CDC37L1: variants seen among roughly 807,000 people sequenced by gnomAD.
CDC37L1 encodes hsp90 co-chaperone Cdc37-like 1.
In CDC37L1, 32 loss-of-function variants were observed where a neutral mutation model predicts 45.9. The observed-to-expected ratio is 0.70, with a 90% CI of 0.53 to 0.94. CDC37L1 has a LOEUF of 0.94. Ranked by LOEUF, CDC37L1 falls within the 40% of genes least tolerant of loss-of-function variation. The probability of loss-of-function intolerance (pLI) is 0.00; values close to 1 mark genes in which losing one functional copy is unlikely to be tolerated. For synonymous variants in CDC37L1, 150 were observed against 133.0 expected, an observed-to-expected ratio of 1.13 and a Z score of -0.88; for missense variants, 434 against 405.7, an observed-to-expected ratio of 1.07 and a Z score of -0.60.
At chr9:4,692,713 T>G (rs1399738798) in intron 3 of CDC37L1, among the ~76,000 whole-genome samples, 2 of 152,238 alleles carry the variant, frequency 1.3e-5, no homozygotes, top group Non-Finnish European at 2.9e-5. Flanking sequence ...ATAAACTTTA[T>G]TTTTATAATC....
At chr9:4,686,183 C>A (rs1271081413) in intron 2 of CDC37L1, among the ~76,000 whole-genome samples, 1 of 152,076 alleles carries the variant, frequency 6.6e-6, no homozygotes, top group Non-Finnish European at 1.5e-5. Flanking sequence ...TCTTAATTGT[C>A]CTCTTGGCAT....
At chr9:4,703,065 C>T in intron 6 of CDC37L1, 1 of 1,540,984 alleles carries the variant, frequency 6.5e-7, no homozygotes, top group Non-Finnish European at 8.8e-7. Flanking sequence ...TTAATAGAGC[C>T]CAGTCATCTC....
rs1436505346 is a variant in CDC37L1 at position 4,683,037 on chromosome 9, ATAAAATATATTT to A, written c.133-1818_133-1807del. Among the ~76,000 whole-genome samples the A allele has an allele frequency of 6.5e-4, 93 of 142,926 alleles. 1 individual carries two copies. In the South Asian group the frequency reaches 7.8e-3, roughly 12 times the overall value. The allele number at this position is 142,926 out of a possible 152,430, so 93.8% of individuals were successfully genotyped here. ...TATTAAATATATATTATATTTATAT[ATAAAATATATTT>A]TAAAATATATTTTAAAATATACTTT... On this transcript the variant is annotated intron_variant, in intron 1 of 6. Coordinates refer to ENST00000381854, the MANE Select transcript of CDC37L1 (RefSeq NM_017913.4).
chr9:4,697,671 G>A (rs1841360773), intron 4 of CDC37L1, 86 bp from the exon 5 acceptor site: 2 of 662,722 alleles, frequency 3.0e-6, no homozygotes, highest in Non-Finnish European at 5.2e-6. Flanking sequence ...AAAATCAAAA[G>A]TATTTTAAAA....
intron 3 of CDC37L1, among the ~76,000 whole-genome samples, chr9:4,691,785 G>T (rs1206489577): frequency 6.6e-6 from 1 of 151,964 alleles, no homozygotes; most frequent in Non-Finnish European, 1.5e-5. Flanking sequence ...CTATTATAAA[G>T]CATTGAAATC....
At chr9:4,693,819 T>C (rs1841322921) in intron 3 of CDC37L1, among the ~76,000 whole-genome samples, 1 of 152,228 alleles carries the variant, frequency 6.6e-6, no homozygotes, top group Non-Finnish European at 1.5e-5. Flanking sequence ...TATGAATTAA[T>C]AGCATTTAAT....
At chr9:4,702,139 C>T (rs1001532202) in intron 6 of CDC37L1, 111 bp downstream of exon 6, 7 of 489,822 alleles carry the variant, frequency 1.4e-5, no homozygotes, top group African/African-American at 1.0e-4. Context: ...TTAAATATTC[C>T]TGCCTCAGAA....
At position 4,707,609 on chromosome 9, in the gene CDC37L1, G is replaced by A. The variant is rs1378352680; in HGVS notation, c.*1497G>A. The A allele has an allele frequency of 1.3e-5, 2 of 151,448 alleles. No individual in the cohort carries two copies. The highest frequency in any genetic ancestry group is 2.1e-4 in the South Asian group (1 of 4,794). The allele number at this position is 151,448 out of a possible 1,614,324, so 9.4% of individuals were successfully genotyped here. ...AATCTTCCTGGTTTTCAGAATAAAC[G>A]TTTTTGTGCTTTTGATATAAATATA... On this transcript the variant is annotated 3_prime_UTR_variant, in exon 7 of 7. Coordinates refer to ENST00000381854, the MANE Select transcript of CDC37L1 (RefSeq NM_017913.4).
chr9:4,687,452 A>G (rs1841257449), intron 2 of CDC37L1, among the ~76,000 whole-genome samples: 1 of 152,100 alleles, frequency 6.6e-6, no homozygotes, highest in Non-Finnish European at 1.5e-5. Flanking sequence ...GCCAAGGTGA[A>G]GGGATTGCTT....
intron 3 of CDC37L1, among the ~76,000 whole-genome samples, chr9:4,690,311 C>G (rs546693383): frequency 6.6e-6 from 1 of 152,204 alleles, no homozygotes; most frequent in Admixed American, 6.5e-5. Flanking sequence ...AGAGTGGGCT[C>G]GTTCAAGTGA....
chr9:4,684,734 A>C, intron 1 of CDC37L1, 143 bp from the exon 2 acceptor site: 3 of 580,656 alleles, frequency 5.2e-6, no homozygotes, highest in Non-Finnish European at 9.1e-6. Context: ...CTAAGATATA[A>C]AAACATGACT....
At chr9:4,697,304 C>A in intron 4 of CDC37L1, 93 bp downstream of exon 4, 1 of 675,264 alleles carries the variant, frequency 1.5e-6, no homozygotes, top group Non-Finnish European at 2.6e-6. Flanking sequence ...TACATTAAGT[C>A]CTTTAAAAGA....
At chr9:4,692,300 G>A (rs986693834) in intron 3 of CDC37L1, among the ~76,000 whole-genome samples, 2 of 148,658 alleles carry the variant, frequency 1.3e-5, no homozygotes, top group Non-Finnish European at 3.0e-5. Context: ...ACGAAATCTC[G>A]CTCTTGTCCC....
At chr9:4,695,782 C>T (rs1030828069) in intron 3 of CDC37L1, among the ~76,000 whole-genome samples, 1 of 152,110 alleles carries the variant, frequency 6.6e-6, no homozygotes, top group Non-Finnish European at 1.5e-5. Context: ...CAAGCATGTG[C>T]CACCATGCCC....
At chr9:4,680,888 G>C (rs1269697325) in intron 1 of CDC37L1, among the ~76,000 whole-genome samples, 1 of 152,164 alleles carries the variant, frequency 6.6e-6, no homozygotes, top group Non-Finnish European at 1.5e-5. Context: ...ACCAGTAAGC[G>C]TGACATTATC....
intron 3 of CDC37L1, among the ~76,000 whole-genome samples, chr9:4,689,404 A>G (rs974282477): frequency 4.6e-5 from 7 of 151,874 alleles, no homozygotes; most frequent in Admixed American, 2.6e-4. Context: ...AACTTTTTAC[A>G]TGGCATTTTG....
intron 1 of CDC37L1, among the ~76,000 whole-genome samples, chr9:4,684,319 G>C (rs1419633542): frequency 6.6e-6 from 1 of 151,850 alleles, no homozygotes. Flanking sequence ...ATTTTGATTA[G>C]GAATAAATTA....
At chr9:4,694,082 T>A (rs1235346218) in intron 3 of CDC37L1, among the ~76,000 whole-genome samples, 3 of 152,200 alleles carry the variant, frequency 2.0e-5, no homozygotes, top group Admixed American at 6.5e-5. Flanking sequence ...TTGATTCTCC[T>A]TATGTGTTTT....
chr9:4,684,860 A>G lies in CDC37L1; in HGVS notation c.133-17A>G, dbSNP rs1587615625. On this transcript the variant is annotated splice_polypyrimidine_tract_variant and intron_variant, in intron 1 of 6. Transcript: ENST00000381854. ...CCATTGCTTTCTTCATTTCTTACAA[A>G]TATTGTTTTTATCCAGATGTATAGC... 1 of 1,586,792 alleles carries G rather than the reference A, an allele frequency of 6.3e-7. No individual in the cohort carries two copies. The highest frequency in any genetic ancestry group is 8.6e-7 in the Non-Finnish European group (1 of 1,160,040).
Sources: allele counts gnomAD v4.1 joint callset (sites outside exome capture counted in the v4.1 genomes callset), GRCh38; gene constraint gnomAD v4.1.1; transcripts MANE v1.5; gene names NCBI Gene and HGNC (gene_info 2026-07-23, HGNC 2026-07-21).